The following DNAAF5 variants were observed in gnomAD, a reference collection of about 807,000 sequenced individuals.
DNAAF5 encodes the protein HEAT repeat containing 2.
DNAAF5 carries 64 observed loss-of-function variants against 75.8 expected under a neutral mutation model. The ratio of observed to expected loss-of-function variants is 0.84; its 90% CI spans 0.69 to 1.04. The LOEUF is 1.04. Among genes scored for constraint, DNAAF5 ranks in the 50% least tolerant of loss-of-function variants. The probability of loss-of-function intolerance (pLI) is 0.00; values close to 1 mark genes in which losing one functional copy is unlikely to be tolerated. For synonymous variants in DNAAF5, 657 were observed against 557.2 expected (o/e 1.18, Z -2.52); for missense variants, 1,269 against 1,178.5 (o/e 1.08, Z -1.12).
intron 10 of DNAAF5, among the ~76,000 whole-genome samples, chr7:774,478 C>T (rs901929325): frequency 1.3e-5 from 2 of 152,196 alleles, no homozygotes; most frequent in African/African-American, 4.8e-5. Context: ...CGTGCGGTTT[C>T]TCGGTTTCCG....
chr7:761,826 C>A lies in DNAAF5; in HGVS notation c.1544C>A (p.Ala515Asp). ...GTGTGTCATGAGGACTGTGGCGTGG[C>A]CAGCCTGCAGCTCTTGGACGTGCTG... is the stretch of plus-strand genomic sequence containing the variant. ...VSVCHEDCGV[A>D]SLQLLDVLLT... The change falls in exon 7 of 13, where the codon GCC becomes GAC. Residue 515 changes from alanine to aspartate, a missense_variant. Physicochemically the swap from Ala to Asp is moderately radical, Grantham distance 126 (BLOSUM62 -2). Transcript: ENST00000297440. 1.2e-6 allele frequency: 2 copies of A among 1,606,324 alleles called. No homozygotes were observed. Among genetic ancestry groups the A allele is most frequent in the South Asian group, 2.2e-5 (2 of 89,392 alleles).
intron 8 of DNAAF5, among the ~76,000 whole-genome samples, chr7:766,909 TC>T (rs1443179591): frequency 6.6e-6 from 1 of 152,066 alleles, no homozygotes; most frequent in Non-Finnish European, 1.5e-5. Flanking sequence ...GTGGGAACTA[TC>T]CAGCCCTTCT....
intron 6 of DNAAF5, among the ~76,000 whole-genome samples, 188 bp downstream of exon 6, chr7:757,182 G>A (rs539598308): frequency 5.3e-5 from 8 of 152,356 alleles, no homozygotes; most frequent in Non-Finnish European, 1.0e-4. Context: ...TGCAGTAACC[G>A]GAGTGCCCTC....
At chr7:764,671 C>T (rs1277196106) in intron 8 of DNAAF5, among the ~76,000 whole-genome samples, 1 of 152,248 alleles carries the variant, frequency 6.6e-6, no homozygotes, top group African/African-American at 2.4e-5. Context: ...ATCGTTCTTA[C>T]ACAATCTCTG....
intron 4 of DNAAF5, among the ~76,000 whole-genome samples, chr7:752,326 G>A (rs982416842): frequency 9.2e-5 from 14 of 151,692 alleles, no homozygotes; most frequent in African/African-American, 2.7e-4. Context: ...GCCACACTTC[G>A]TGGGATACGT....
chr7:761,071 G>A (rs754530209), intron 6 of DNAAF5, among the ~76,000 whole-genome samples: 3 of 152,332 alleles, frequency 2.0e-5, no homozygotes, highest in African/African-American at 4.8e-5. Flanking sequence ...GCAGTGCGCC[G>A]TCATTTCCCT....
intron 6 of DNAAF5, among the ~76,000 whole-genome samples, chr7:759,738 C>T (rs940419344): frequency 3.3e-5 from 5 of 152,086 alleles, no homozygotes; most frequent in Admixed American, 6.5e-5. Flanking sequence ...GTGCTGCGTT[C>T]GTGGCAGGAG....
intron 8 of DNAAF5, among the ~76,000 whole-genome samples, chr7:765,036 C>T (rs894633374): frequency 1.2e-4 from 19 of 152,152 alleles, no homozygotes; most frequent in African/African-American, 4.6e-4. Flanking sequence ...CGGGAGGATC[C>T]CTGGAGCCCA....
In DNAAF5 at chr7:754,342, T is replaced by G. The variant is rs1012528531; in HGVS notation, c.1025-247T>G. Among the ~76,000 whole-genome samples the G allele has an allele frequency of 1.3e-5, 2 of 152,110 alleles. No homozygotes were observed. The highest frequency in any genetic ancestry group is 4.8e-5 in the African/African-American group (2 of 41,396). ...GTCTTTGCCATGTTGCCCAGGCTGG[T>G]CTTGACTTCCTGGGCTCTAGTGATC... On this transcript the variant is annotated intron_variant, in intron 4 of 12. Transcript: ENST00000297440. The surrounding 1 kb of genome is among the most constrained non-coding windows in gnomAD (Gnocchi z 4.8).
chr7:785,661 G>A lies in DNAAF5; in HGVS notation c.*8G>A. ...GTGCCAGCCACACAGTGACCACGCT[G>A]GTTTCAGCCACGGCACACCCTTGTC... On this transcript the variant is annotated 3_prime_UTR_variant, in exon 13 of 13. Transcript: ENST00000297440. 1 of 1,612,198 alleles carries A rather than the reference G, an allele frequency of 6.2e-7. No individual in the cohort carries two copies. Among genetic ancestry groups the A allele is most frequent in the Non-Finnish European group, 8.5e-7 (1 of 1,179,698 alleles).
At chr7:733,680 TAG>T (rs1781651807) in intron 2 of DNAAF5, among the ~76,000 whole-genome samples, 1 of 152,100 alleles carries the variant, frequency 6.6e-6, no homozygotes, top group Admixed American at 6.5e-5. Flanking sequence ...GTGTTTTTAG[TAG>T]AGACAGTTTC....
Position 754,026 on chromosome 7 carries a change from A to T in DNAAF5, c.1025-563A>T, listed in dbSNP as rs1782402600. ...TCTGATCATAGGGGGACGGCTTCGC[A>T]GGCGTGTCTCTCATCATATGGCGAT... On this transcript the variant is annotated intron_variant, in intron 4 of 12. Coordinates refer to ENST00000297440, the MANE Select transcript of DNAAF5 (RefSeq NM_017802.4). The surrounding 1 kb of genome is among the most constrained non-coding windows in gnomAD (Gnocchi z 4.8). 7.6e-6 allele frequency among the ~76,000 whole-genome samples: 1 copy of T among 131,300 alleles called. No individual in the cohort carries two copies. The highest frequency in any genetic ancestry group is 1.6e-5 in the Non-Finnish European group (1 of 63,676). The allele number at this position is 131,300 out of a possible 152,430, so 86.1% of individuals were successfully genotyped here. A position where few individuals can be genotyped will look rare whatever the true frequency, so the allele number is the denominator to read the frequency against.
At chr7:784,173 C>T (rs1001556747) in intron 12 of DNAAF5, among the ~76,000 whole-genome samples, 14 of 152,274 alleles carry the variant, frequency 9.2e-5, no homozygotes, top group Non-Finnish European at 1.6e-4. Context: ...GCACAGCTGG[C>T]GGCCACGCAC....
At position 756,772 on chromosome 7, in the gene DNAAF5, T is replaced by G; in HGVS notation, c.1258-10T>G. The stretch of plus-strand genomic sequence containing the variant: ...TTGGCTCTGAGTTTTCTCATGTTTC[T>G]TTCTCGCAGTGTACCAGATCCGCAG... On this transcript the variant is annotated splice_polypyrimidine_tract_variant and intron_variant, in intron 5 of 12. Coordinates refer to ENST00000297440, the MANE Select transcript of DNAAF5 (RefSeq NM_017802.4). 3.7e-6 allele frequency: 6 copies of G among 1,610,508 alleles called. No homozygotes were observed. The highest frequency in any genetic ancestry group is 4.2e-6 in the Non-Finnish European group (5 of 1,177,466).
intron 2 of DNAAF5, among the ~76,000 whole-genome samples, chr7:737,717 C>G (rs1429680032): frequency 1.3e-5 from 2 of 152,196 alleles, no homozygotes. Context: ...TTTCCTTCAG[C>G]ACTTTAAATA....
chr7:774,879 A>T lies in DNAAF5; in HGVS notation c.2083-127A>T, dbSNP rs151244093. On this transcript the variant is annotated intron_variant, in intron 10 of 12. Transcript: ENST00000297440. ...ATCTAAATTTTACAATGAAGATTCA[A>T]GCCTACTTTTTAGGTAAAGCTTTCA... 467 of 773,030 alleles carry T rather than the reference A, an allele frequency of 6.0e-4. 1 individual carries two copies. The highest frequency in any genetic ancestry group is 2.6e-3 in the Middle Eastern group (7 of 2,644). 47.9% of individuals were successfully genotyped at this position (773,030 alleles called of 1,614,324 possible). A position where few individuals can be genotyped will look rare whatever the true frequency, so the allele number is the denominator to read the frequency against.
At chr7:748,689 C>T (rs1158257963) in intron 4 of DNAAF5, among the ~76,000 whole-genome samples, 2 of 152,256 alleles carry the variant, frequency 1.3e-5, no homozygotes, top group African/African-American at 4.8e-5. Context: ...CCTGTGCTCA[C>T]CTCACCGCTC....
intron 4 of DNAAF5, among the ~76,000 whole-genome samples, chr7:745,923 T>C (rs1782085548): frequency 6.6e-6 from 1 of 152,196 alleles, no homozygotes; most frequent in South Asian, 2.1e-4. Flanking sequence ...CAGTTAGTTA[T>C]CCGTGCCGAG....
At chr7:745,339 C>CG (rs1220992585) in intron 4 of DNAAF5, among the ~76,000 whole-genome samples, 7 of 152,170 alleles carry the variant, frequency 4.6e-5, no homozygotes, top group South Asian at 2.1e-4. Flanking sequence ...GAGAGGGAGG[C>CG]GGGGGGTCGG....
Sources: gnomAD v4.1 joint callset for allele counts (sites outside exome capture counted in the v4.1 genomes callset) on GRCh38, gnomAD v4.1.1 for gene constraint, Gnocchi (gnomAD v3.1) non-coding constraint, MANE v1.5 for transcripts, NCBI Gene and HGNC (gene_info 2026-07-23, HGNC 2026-07-21) for gene names.